The following TFEB variants were observed in gnomAD, a reference collection of about 807,000 sequenced individuals.
The protein encoded by TFEB is T-cell transcription factor EB.
TFEB carries 12 observed loss-of-function variants against 48.0 expected under a neutral mutation model. The ratio of observed to expected loss-of-function variants is 0.25; its 90% confidence interval spans 0.16 to 0.40. The LOEUF is 0.40. Among genes scored for constraint, TFEB ranks in the 10% least tolerant of loss-of-function variants. The pLI is 1.00. For synonymous variants in TFEB, 244 were observed against 261.4 expected (o/e 0.93, Z 0.64); for missense variants, 509 against 640.3 (o/e 0.79, Z 2.21).
rs745674792 is a variant in TFEB, at chr6:41,687,781, C to T, written c.699G>A (p.Glu233=). Residue 233 remains glutamate, a synonymous_variant, in exon 6 of 9, where the codon GAG becomes GAA. Coordinates refer to ENST00000373033, the MANE Select transcript of TFEB (RefSeq NM_001271944.2). ...AGTTGTGATTGTCTTTCTTCTGCCG[C>T]TCCTTGGCCAGGGCCCTGCTCTCAG... ...TDAESRALAK[E]RQKKDNHNLI... 3.7e-6 allele frequency: 6 copies of T among 1,614,124 alleles called. No individual in the cohort carries two copies. The highest frequency in any genetic ancestry group is 3.4e-6 in the Non-Finnish European group (4 of 1,179,990).
chr6:41,684,476 A>T lies in TFEB; in HGVS notation c.*123T>A. On this transcript the variant is annotated 3_prime_UTR_variant, in exon 9 of 9. Coordinates refer to ENST00000373033, the MANE Select transcript of TFEB (RefSeq NM_001271944.2). Reference sequence around the variant, plus strand: ...TAAGTCCAAACAGGGGCCAACGGGGAGGAGGGAGGCAGGGCAGGTGGCTAC... The same window carrying T: ...TAAGTCCAAACAGGGGCCAACGGGGTGGAGGGAGGCAGGGCAGGTGGCTAC... The T allele has an allele frequency of 4.1e-6, 5 of 1,234,496 alleles. No individual in the cohort carries two copies. In the South Asian group the frequency reaches 9.6e-5, roughly 24 times the overall value. 76.5% of individuals were successfully genotyped at this position (1,234,496 alleles called of 1,614,324 possible). A position where few individuals can be genotyped will look rare whatever the true frequency, so the allele number is the denominator to read the frequency against.
chr6:41,733,150 G>T, intron 1 of TFEB: 5 of 644,694 alleles, frequency 7.8e-6, no homozygotes, highest in Non-Finnish European at 9.6e-6. Context: ...AGACTTGAGG[G>T]GTGGGAGTCC....
rs1561848484 is a variant in TFEB, at chr6:41,687,137, G to A, written c.760C>T (p.Arg254Cys). 6.2e-7 allele frequency: 1 copy of A among 1,614,098 alleles called. No individual in the cohort carries two copies. The highest frequency in any genetic ancestry group is 8.5e-7 in the Non-Finnish European group (1 of 1,180,030). ...ERRRRFNIND[R>C]IKELGMLIPK... ...ATCAGCATTCCCAACTCCTTGATGCGGTCATTGATGTTGAACCTTCGTCTC... is the reference window on the plus strand; with the variant it reads ...ATCAGCATTCCCAACTCCTTGATGCAGTCATTGATGTTGAACCTTCGTCTC... The change falls in exon 7 of 9, where the codon CGC (arginine) becomes TGC (cysteine). Residue 254 changes from arginine to cysteine, a missense_variant. Physicochemically the swap from Arg to Cys is radical, Grantham distance 180. Around this residue, in one of 4 missense-constraint regions of TFEB, gnomAD observed 28 missense variants for 71.9 expected, o/e 0.39. Coordinates refer to ENST00000373033, the MANE Select transcript of TFEB (RefSeq NM_001271944.2).
chr6:41,721,977 ATATTAT>A (rs370887501), intron 1 of TFEB, among the ~76,000 whole-genome samples: 1 of 151,812 alleles, frequency 6.6e-6, no homozygotes, highest in East Asian at 1.9e-4. Context: ...ACCATTCCTT[ATATTAT>A]TATTATTATT....
In TFEB at chr6:41,687,989, C is replaced by T. The variant is rs771976205; in HGVS notation, c.589G>A (p.Asp197Asn). Reference protein sequence around the residue: ...SSSHLNVYSSDPQVTASLVGV... With the variant: ...SSSHLNVYSSNPQVTASLVGV... ...ACCAGGGAGGCTGTGACCTGGGGGT[C>T]GCTGCTGTACACATTCAGGTGGCTG... Residue 197 changes from aspartate (D) to asparagine (N), a missense_variant, in exon 5 of 9, where the codon GAC becomes AAC. Coordinates refer to ENST00000373033, the MANE Select transcript of TFEB (RefSeq NM_001271944.2). 57 of 1,613,478 alleles carry T rather than the reference C, an allele frequency of 3.5e-5. No homozygotes were observed. Among genetic ancestry groups the T allele is most frequent in the Non-Finnish European group, 4.4e-5 (52 of 1,179,812 alleles).
rs1007868384 is a variant in TFEB at position 41,730,834 on chromosome 6, C to A, written c.-23+4516G>T. Reference sequence around the variant, plus strand: ...TGGTCAGTGGCCAGGCCAGATGCTACCCAGGGAAACCCAAGTGGCAGGGCA... The same window carrying A: ...TGGTCAGTGGCCAGGCCAGATGCTAACCAGGGAAACCCAAGTGGCAGGGCA... On this transcript the variant is annotated intron_variant, in intron 1 of 8. Transcript: ENST00000373033. This position sits in a 1 kb window ranked among gnomAD's most constrained non-coding sequence, Gnocchi z 4.1. 3.9e-5 allele frequency among the ~76,000 whole-genome samples: 6 copies of A among 152,186 alleles called. No homozygotes were observed. Among genetic ancestry groups the A allele is most frequent in the Non-Finnish European group, 8.8e-5 (6 of 68,034 alleles).
Position 41,717,175 on chromosome 6 carries a change from T to C in TFEB, c.-23+18175A>G, listed in dbSNP as rs959086830. 8.5e-5 allele frequency among the ~76,000 whole-genome samples: 13 copies of C among 152,270 alleles called. No individual in the cohort carries two copies. In the Middle Eastern group the frequency reaches 0.02, roughly 239 times the overall value. On this transcript the variant is annotated intron_variant, in intron 1 of 8. Transcript: ENST00000373033. Reference sequence around the variant, plus strand: ...TTCATTTCATGTCTCACCTGTGACATGGGTCCCTCGAGTCAGCTAGACCGG... The same window carrying C: ...TTCATTTCATGTCTCACCTGTGACACGGGTCCCTCGAGTCAGCTAGACCGG...
intron 1 of TFEB, among the ~76,000 whole-genome samples, chr6:41,713,014 G>A (rs574527264): frequency 9.2e-5 from 14 of 152,306 alleles, no homozygotes; most frequent in South Asian, 6.2e-4. Flanking sequence ...GACCTATTAC[G>A]TAATCTGGGG....
At chr6:41,718,666 C>A (rs1770844732) in intron 1 of TFEB, among the ~76,000 whole-genome samples, 1 of 151,530 alleles carries the variant, frequency 6.6e-6, no homozygotes, top group Non-Finnish European at 1.5e-5. Flanking sequence ...TCCCCCAACC[C>A]CTATTTTTCT....
Position 41,687,888 on chromosome 6 carries a change from G to T in TFEB, c.670+20C>A, listed in dbSNP as rs1189378013. On this transcript the variant is annotated intron_variant, in intron 5 of 8. Transcript: ENST00000373033. ...GAGGAGTCGGGTATTCAAAGGCACA[G>T]GGGTAGAGGGAGGCAGTACCTGTGA... 6.2e-7 allele frequency: 1 copy of T among 1,611,944 alleles called. No individual in the cohort carries two copies. The highest frequency in any genetic ancestry group is 1.3e-5 in the African/African-American group (1 of 75,030).
intron 1 of TFEB, among the ~76,000 whole-genome samples, chr6:41,728,247 C>T (rs1182380861): frequency 6.6e-6 from 1 of 152,236 alleles, no homozygotes; most frequent in Non-Finnish European, 1.5e-5. Flanking sequence ...ACCCGCCCTG[C>T]TTGGCCAGCC....
rs558579030 is a variant in TFEB at position 41,693,517 on chromosome 6, A to T, written c.-22-2282T>A. The stretch of plus-strand genomic sequence containing the variant: ...TGGGGAGGAGAGGGTCTCCACACAG[A>T]GCAGGGAGGAAGCTTATTGCAGGCT... On this transcript the variant is annotated intron_variant, in intron 1 of 8. Transcript: ENST00000373033. Among the ~76,000 whole-genome samples, 31 of 152,218 alleles carry T rather than the reference A, an allele frequency of 2.0e-4. No homozygotes were observed. In the East Asian group the frequency reaches 5.6e-3, roughly 28 times the overall value.
chr6:41,702,129 C>G (rs954346567), intron 1 of TFEB, among the ~76,000 whole-genome samples: 2 of 151,892 alleles, frequency 1.3e-5, no homozygotes, highest in African/African-American at 2.4e-5. Flanking sequence ...CCCCTGCACT[C>G]CCAGTCCTGC....
rs1771643640 is a variant in TFEB at position 41,735,490 on chromosome 6, C to T, written c.-163G>A. 2 of 984,606 alleles carry T rather than the reference C, an allele frequency of 2.0e-6. No homozygotes were observed. The highest frequency in any genetic ancestry group is 1.8e-5 in the African/African-American group (1 of 57,106). 61.0% of individuals were successfully genotyped at this position (984,606 alleles called of 1,614,324 possible). On this transcript the variant is annotated 5_prime_UTR_variant, in exon 1 of 9. Transcript: ENST00000373033. ...GCCCCGTGCCACCAGGGAGGCCCGC[C>T]CCGTCCGCCCTTCCCGCCGCCGTCG...
upstream of TFEB, chr6:41,736,162 T>C (rs1403910976): frequency 1.2e-6 from 2 of 1,612,936 alleles, no homozygotes; most frequent in South Asian, 2.2e-5. Flanking sequence ...GAGCTTGCTG[T>C]CATGTTGCTG....
intron 1 of TFEB, among the ~76,000 whole-genome samples, chr6:41,705,484 T>C (rs1434002788): frequency 1.3e-5 from 2 of 152,174 alleles, no homozygotes; most frequent in African/African-American, 4.8e-5. Flanking sequence ...GCAAGGCCTG[T>C]GCCCACTCCC....
chr6:41,684,713 G>T lies in TFEB; in HGVS notation c.1317C>A (p.Asp439Glu). The change falls in exon 9 of 9, where the codon GAC becomes GAA. Residue 439 changes from aspartate (D) to glutamate (E), a missense_variant. Transcript: ENST00000373033. ...SKKDLDLMLL[D>E]DSLLPLASDP... is the part of the protein sequence containing the mutation. ...CAGAGGCCAGCGGTAGCAGTGAGTC[G>T]TCCAGGAGCATGAGGTCCAGATCCT... The T allele has an allele frequency of 6.2e-7, 1 of 1,613,804 alleles. No individual in the cohort carries two copies. Among genetic ancestry groups the T allele is most frequent in the Non-Finnish European group, 8.5e-7 (1 of 1,179,932 alleles).
intron 8 of TFEB, 119 bp from the exon 9 acceptor site, chr6:41,685,197 T>A: frequency 8.0e-7 from 1 of 1,249,614 alleles, no homozygotes; most frequent in Non-Finnish European, 1.0e-6. Flanking sequence ...AGACCCAAAG[T>A]GTTTCCGCTG....
At chr6:41,732,088 G>A (rs1339545682) in intron 1 of TFEB, among the ~76,000 whole-genome samples, 1 of 152,064 alleles carries the variant, frequency 6.6e-6, no homozygotes, top group Non-Finnish European at 1.5e-5. Flanking sequence ...GTCTCGCTAT[G>A]TTGCCCAGGC....
Sources: allele counts gnomAD v4.1 joint callset (sites outside exome capture counted in the v4.1 genomes callset), GRCh38; gene constraint gnomAD v4.1.1; regional missense constraint gnomAD v4.1.1; non-coding constraint Gnocchi (gnomAD v3.1); transcripts MANE v1.5; gene names NCBI Gene and HGNC (gene_info 2026-07-23, HGNC 2026-07-21).